Variants in KIRREL1 observed in about 807,000 individuals in gnomAD.
KIRREL1 encodes kirre like nephrin family adhesion molecule 1.
In KIRREL1, 25 loss-of-function variants were observed where a neutral mutation model predicts 83.3. That is an observed-to-expected ratio of 0.30 (90% CI 0.22 to 0.42). The LOEUF is 0.42. Ranked by LOEUF, KIRREL1 falls within the 10% of genes least tolerant of loss-of-function variation. KIRREL1 has a pLI of 1.00. For missense variants in KIRREL1, 812 were observed against 1,032.3 expected, an observed-to-expected ratio of 0.79 and a Z score of 2.92; for synonymous variants, 388 against 410.4, an observed-to-expected ratio of 0.95 and a Z score of 0.66.
chr1:158,093,866 G>A lies in KIRREL1; in HGVS notation c.1719+104G>A, dbSNP rs888808949. On this transcript the variant is annotated intron_variant, in intron 13 of 14. Transcript: ENST00000359209. ...GCGGTCATTCTCTCCTTCCTCAGTC[G>A]GTCTTCCCTGGTCCTGCCACACACA... is the stretch of plus-strand genomic sequence containing the variant. 1.8e-5 allele frequency: 22 copies of A among 1,191,230 alleles called. No homozygotes were observed. In the Admixed American group the frequency reaches 2.4e-4, roughly 13 times the overall value. 73.8% of individuals were successfully genotyped at this position (1,191,230 alleles called of 1,614,324 possible).
At chr1:158,062,825 T>C (rs1306773885) in intron 1 of KIRREL1, among the ~76,000 whole-genome samples, 2 of 152,266 alleles carry the variant, frequency 1.3e-5, no homozygotes, top group East Asian at 1.9e-4. Flanking sequence ...GCAGCTTAGA[T>C]GTGCCACAGC....
At chr1:158,092,860 A>G (rs1047481666) in intron 11 of KIRREL1, among the ~76,000 whole-genome samples, 3 of 152,210 alleles carry the variant, frequency 2.0e-5, no homozygotes, top group African/African-American at 7.2e-5. Context: ...GAGGAAACCA[A>G]GGAAAACTGT....
At chr1:158,038,267 C>T (rs1360238011) in intron 1 of KIRREL1, among the ~76,000 whole-genome samples, 1 of 152,214 alleles carries the variant, frequency 6.6e-6, no homozygotes, top group Admixed American at 6.5e-5. Flanking sequence ...CTGTGCCCCG[C>T]ACTGCTCTGG....
chr1:158,091,079 A>G (rs138354641), intron 10 of KIRREL1, among the ~76,000 whole-genome samples: 2 of 152,244 alleles, frequency 1.3e-5, no homozygotes, highest in African/African-American at 4.8e-5. Flanking sequence ...TATTTAGGAC[A>G]TAAGTCCCAA....
At chr1:158,076,033 C>T (rs1038238636) in intron 1 of KIRREL1, 80 bp from the exon 2 acceptor site, 25 of 1,368,444 alleles carry the variant, frequency 1.8e-5, no homozygotes, top group East Asian at 2.5e-5. Flanking sequence ...CTCCCTCCTT[C>T]CAGCTGCATG....
chr1:158,086,554 G>A (rs964930898), intron 4 of KIRREL1, 42 bp from the exon 5 acceptor site: 17 of 1,543,868 alleles, frequency 1.1e-5, no homozygotes, highest in Non-Finnish European at 1.4e-5. Context: ...AGAGGAGGGG[G>A]CTTTTAGCTT....
Position 158,089,814 on chromosome 1 carries a change from G to T in KIRREL1, c.1268G>T (p.Arg423Leu). ...ATTGGGAGCACACCACCCCCAGACC[G>T]CATAGTGAGTGGCGGACCTGCCTGC... ...CFIGSTPPPD[R>L]IAWAWKENFL... The change falls in exon 10 of 15, where the codon CGC (arginine) becomes CTC (leucine). Residue 423 changes from arginine to leucine, a missense_variant. By Grantham distance (102) the Arg-to-Leu change is moderately radical (BLOSUM62 -2). Around this residue, in one of 3 missense-constraint regions of KIRREL1, gnomAD observed 472 missense variants for 626.8 expected, o/e 0.75. Transcript: ENST00000359209. 1.2e-6 allele frequency: 2 copies of T among 1,613,814 alleles called. No homozygotes were observed. The highest frequency in any genetic ancestry group is 8.5e-7 in the Non-Finnish European group (1 of 1,179,760).
chr1:158,006,953 G>C lies in KIRREL1; in HGVS notation c.52+13225G>C, dbSNP rs71630684. Among the ~76,000 whole-genome samples the C allele has an allele frequency of 6.8e-3, 1,029 of 152,344 alleles. 10 individuals are homozygous for C. The highest frequency in any genetic ancestry group is 0.012 in the Non-Finnish European group (795 of 68,036). On this transcript the variant is annotated intron_variant, in intron 1 of 14. Coordinates refer to ENST00000359209, the MANE Select transcript of KIRREL1 (RefSeq NM_018240.7). The stretch of plus-strand genomic sequence containing the variant: ...AAGTGTCCTTGTCCCGCCTTGCCAG[G>C]GTGGATCCCAAGAGATAGCAGTGTA...
At chr1:158,084,371 G>A (rs1661957797) in intron 3 of KIRREL1, 51 bp from the exon 4 acceptor site, 1 of 1,495,978 alleles carries the variant, frequency 6.7e-7, no homozygotes, top group Non-Finnish European at 9.0e-7. Context: ...TTGGTCTTCA[G>A]GGAAGTGTTA....
At chr1:158,051,683 T>G (rs1014637766) in intron 1 of KIRREL1, among the ~76,000 whole-genome samples, 9 of 152,094 alleles carry the variant, frequency 5.9e-5, no homozygotes, top group Admixed American at 2.6e-4. Context: ...AATGCAAGAG[T>G]AATTTTTCTA....
chr1:158,017,416 G>C (rs1474256463), intron 1 of KIRREL1, among the ~76,000 whole-genome samples: 1 of 151,254 alleles, frequency 6.6e-6, no homozygotes, highest in African/African-American at 2.4e-5. Context: ...TTTTTGCCTA[G>C]CGCAGTGGCT....
At chr1:158,078,958 C>A (rs558301828) in intron 3 of KIRREL1, among the ~76,000 whole-genome samples, 3 of 152,072 alleles carry the variant, frequency 2.0e-5, no homozygotes, top group African/African-American at 7.2e-5. Context: ...CCCCTTGCCC[C>A]CCCTCACCCA....
At chr1:158,003,561 G>A (rs1438220572) in intron 1 of KIRREL1, among the ~76,000 whole-genome samples, 4 of 152,094 alleles carry the variant, frequency 2.6e-5, no homozygotes, top group Admixed American at 1.3e-4. Context: ...TCCCCTTGAT[G>A]CCTGACCCTC....
intron 2 of KIRREL1, among the ~76,000 whole-genome samples, chr1:158,076,612 C>G (rs1488803976): frequency 6.6e-6 from 1 of 152,216 alleles, no homozygotes; most frequent in African/African-American, 2.4e-5. Flanking sequence ...CCAGAGTCTG[C>G]AGCAAGGGTA....
At chr1:158,023,970 C>T (rs5018263) in intron 1 of KIRREL1, among the ~76,000 whole-genome samples, 123,481 of 152,088 alleles carry the variant, frequency 0.81, 51,720 homozygotes, top group Non-Finnish European at 0.91. Flanking sequence ...TTTCTTTTGA[C>T]GAAGTCTCGC....
chr1:158,062,694 CAT>C (rs1261567427), intron 1 of KIRREL1, among the ~76,000 whole-genome samples: 1 of 152,268 alleles, frequency 6.6e-6, no homozygotes, highest in Admixed American at 6.5e-5. Flanking sequence ...AACAAGGACA[CAT>C]GTGTCCCCCC....
intron 1 of KIRREL1, among the ~76,000 whole-genome samples, chr1:158,006,345 C>T (rs1659519646): frequency 6.6e-6 from 1 of 152,194 alleles, no homozygotes; most frequent in African/African-American, 2.4e-5. Context: ...TGAACCTTCC[C>T]TGCTCCTGCA....
intron 1 of KIRREL1, among the ~76,000 whole-genome samples, chr1:157,997,021 C>G (rs1659224784): frequency 6.6e-6 from 1 of 152,168 alleles, no homozygotes; most frequent in Non-Finnish European, 1.5e-5. Flanking sequence ...CTCTGCCCCC[C>G]TAGGACCTCT....
At chr1:158,091,314 C>T in intron 10 of KIRREL1, 44 bp from the exon 11 acceptor site, 1 of 1,562,452 alleles carries the variant, frequency 6.4e-7, no homozygotes, top group Non-Finnish European at 8.8e-7. Flanking sequence ...TGGGCTTCTG[C>T]CCCCTGCCCC....
Sources: allele counts gnomAD v4.1 joint callset (sites outside exome capture counted in the v4.1 genomes callset), GRCh38; gene constraint gnomAD v4.1.1; regional missense constraint gnomAD v4.1.1; transcripts MANE v1.5; gene names NCBI Gene and HGNC (gene_info 2026-07-23, HGNC 2026-07-21).